ADCY8: variants seen among roughly 807,000 people sequenced by gnomAD.
ADCY8 encodes the protein adenylate cyclase 8.
A neutral mutation model predicts 119.7 loss-of-function variants in ADCY8; 51 were observed. The ratio of observed to expected loss-of-function variants is 0.43; its 90% confidence interval spans 0.34 to 0.54. ADCY8 has a LOEUF of 0.54. ADCY8 is among the 20% of genes least tolerant of loss of function. ADCY8 has a pLI of 0.03. For synonymous variants in ADCY8, 665 were observed against 651.0 expected, an observed-to-expected ratio of 1.02 and a Z score of -0.33; for missense variants, 1,383 against 1,598.8, an observed-to-expected ratio of 0.87 and a Z score of 2.30.
At chr8:130,948,911 G>A (rs1228787590) in intron 3 of ADCY8, among the ~76,000 whole-genome samples, 1 of 152,072 alleles carries the variant, frequency 6.6e-6, no homozygotes, top group East Asian at 1.9e-4. Flanking sequence ...CCGCCGCCCC[G>A]AGCTGAGTTC....
At chr8:130,993,932 C>T (rs1345610913) in intron 1 of ADCY8, among the ~76,000 whole-genome samples, 1 of 152,166 alleles carries the variant, frequency 6.6e-6, no homozygotes, top group Non-Finnish European at 1.5e-5. Context: ...TTAGCCTCAG[C>T]AAATTTTGAA....
chr8:130,849,859 A>G lies in ADCY8; in HGVS notation c.2211-56T>C, dbSNP rs894524463. 6 of 1,490,914 alleles carry G rather than the reference A, an allele frequency of 4.0e-6. No homozygotes were observed. The South Asian group carries it at 7.2e-5, about 18-fold the overall frequency. 92.4% of individuals were successfully genotyped at this position (1,490,914 alleles called of 1,614,324 possible). ...GGCATCAATTGTCTGAGCAACACTG[A>G]AATTCTATTCCTGGTCTTCCTTTCC... On this transcript the variant is annotated intron_variant, in intron 9 of 17. Transcript: ENST00000286355.
At chr8:130,997,188 A>G (rs916282067) in intron 1 of ADCY8, among the ~76,000 whole-genome samples, 9 of 152,176 alleles carry the variant, frequency 5.9e-5, no homozygotes, top group Non-Finnish European at 1.3e-4. Context: ...ATACAAATCT[A>G]TAAATTCAAT....
chr8:130,857,160 G>A (rs1227703056), intron 9 of ADCY8, among the ~76,000 whole-genome samples: 2 of 151,232 alleles, frequency 1.3e-5, no homozygotes, highest in Non-Finnish European at 2.9e-5. Context: ...GTTAATGGGT[G>A]CAGCACACCA....
chr8:131,008,735 G>T (rs769724032), intron 1 of ADCY8, among the ~76,000 whole-genome samples: 1 of 152,184 alleles, frequency 6.6e-6, no homozygotes, highest in Non-Finnish European at 1.5e-5. Flanking sequence ...GAAGAAGACA[G>T]GAAAATGTGG....
chr8:130,782,972 G>T (rs1399554935), intron 17 of ADCY8, among the ~76,000 whole-genome samples: 1 of 152,204 alleles, frequency 6.6e-6, no homozygotes, highest in African/African-American at 2.4e-5. Flanking sequence ...TGGAGCTGCT[G>T]CTGGTGTGAC....
chr8:130,945,130 T>C (rs111424279), intron 3 of ADCY8, among the ~76,000 whole-genome samples: 1 of 152,186 alleles, frequency 6.6e-6, no homozygotes, highest in Non-Finnish European at 1.5e-5. Context: ...ATCAAGGTTC[T>C]GCAGTAATTC....
At chr8:130,812,758 G>A (rs1285808535) in intron 14 of ADCY8, among the ~76,000 whole-genome samples, 1 of 152,068 alleles carries the variant, frequency 6.6e-6, no homozygotes, top group African/African-American at 2.4e-5. Flanking sequence ...TACATGCTAG[G>A]CAATGGGCTA....
chr8:130,967,525 G>C (rs111846643), intron 2 of ADCY8, among the ~76,000 whole-genome samples: 166 of 152,240 alleles, frequency 1.1e-3, no homozygotes, highest in African/African-American at 3.8e-3. Flanking sequence ...TTATGAAAAT[G>C]CTCCTTATAA....
intron 15 of ADCY8, among the ~76,000 whole-genome samples, chr8:130,797,798 G>A (rs181730116): frequency 6.6e-6 from 1 of 152,314 alleles, no homozygotes; most frequent in East Asian, 1.9e-4. Context: ...GGCAAGAAGT[G>A]ATCACGTCTT....
chr8:130,860,682 G>A (rs1334015729), intron 9 of ADCY8, among the ~76,000 whole-genome samples: 2 of 152,092 alleles, frequency 1.3e-5, no homozygotes, highest in African/African-American at 4.8e-5. Context: ...GTGCAGGTTT[G>A]TTACATAGGT....
chr8:130,952,123 T>C (rs540425182), intron 2 of ADCY8, 125 bp from the exon 3 acceptor site: 2 of 1,060,722 alleles, frequency 1.9e-6, no homozygotes, highest in Non-Finnish European at 2.7e-6. Context: ...TTTCATACCA[T>C]TCTATGAATA....
At chr8:131,035,775 C>T (rs940484460) in intron 1 of ADCY8, among the ~76,000 whole-genome samples, 3 of 152,236 alleles carry the variant, frequency 2.0e-5, no homozygotes, top group Admixed American at 6.5e-5. Context: ...CTCCCATTTT[C>T]GTTTCCTAAA....
chr8:130,869,488 G>C lies in ADCY8; in HGVS notation c.2110-1542C>G, dbSNP rs1457540126. On this transcript the variant is annotated intron_variant, in intron 8 of 17. Coordinates refer to ENST00000286355, the MANE Select transcript of ADCY8 (RefSeq NM_001115.3). ...TCTAATTATTCATCCTTGGCTTACT[G>C]TTTTTTTTTTATTTTGTTTATTTTT... Among the ~76,000 whole-genome samples the C allele has an allele frequency of 2.1e-5, 3 of 140,386 alleles. No individual in the cohort carries two copies. In the East Asian group the frequency reaches 6.3e-4, roughly 29 times the overall value. The allele number at this position is 140,386 out of a possible 152,430, so 92.1% of individuals were successfully genotyped here. A position where few individuals can be genotyped will look rare whatever the true frequency, so the allele number is the denominator to read the frequency against.
At chr8:130,913,950 C>T (rs545810088) in intron 5 of ADCY8, among the ~76,000 whole-genome samples, 4 of 152,200 alleles carry the variant, frequency 2.6e-5, no homozygotes, top group Middle Eastern at 3.4e-3. Flanking sequence ...ATCTCTGCAT[C>T]GATAAAATGT....
At chr8:130,953,106 C>T (rs1479220376) in intron 2 of ADCY8, among the ~76,000 whole-genome samples, 3 of 152,162 alleles carry the variant, frequency 2.0e-5, no homozygotes, top group African/African-American at 7.2e-5. Flanking sequence ...TGGCTTCTGA[C>T]ACATGGTTTA....
chr8:130,985,025 A>T (rs919940841), intron 2 of ADCY8, among the ~76,000 whole-genome samples: 2 of 152,140 alleles, frequency 1.3e-5, no homozygotes, highest in African/African-American at 4.8e-5. Flanking sequence ...AAGGATGCCT[A>T]CCTTTAAGTG....
chr8:130,940,846 G>T (rs1195387058), intron 4 of ADCY8, among the ~76,000 whole-genome samples: 1 of 152,156 alleles, frequency 6.6e-6, no homozygotes. Context: ...ATTCCCAAGA[G>T]TTTATGAAAC....
chr8:131,039,140 C>T (rs1432051693), intron 1 of ADCY8, among the ~76,000 whole-genome samples: 1 of 152,190 alleles, frequency 6.6e-6, no homozygotes, highest in Non-Finnish European at 1.5e-5. Context: ...TAGAATTACT[C>T]ATAGAATCAG....
Sources: allele counts gnomAD v4.1 joint callset (sites outside exome capture counted in the v4.1 genomes callset), GRCh38; gene constraint gnomAD v4.1.1; transcripts MANE v1.5; gene names NCBI Gene and HGNC (gene_info 2026-07-23, HGNC 2026-07-21).